The following GLDN variants were observed in gnomAD, a reference collection of about 807,000 sequenced individuals.
GLDN encodes the protein collomin.
In GLDN, 47 loss-of-function variants were observed where a neutral mutation model predicts 56.5. That is an observed-to-expected ratio of 0.83 (90% confidence interval 0.66 to 1.06). GLDN has a LOEUF of 1.06. GLDN is among the 50% of genes least tolerant of loss of function. The probability of loss-of-function intolerance (pLI) is 0.00; values close to 1 mark genes in which losing one functional copy is unlikely to be tolerated. For missense variants in GLDN, 782 were observed against 714.3 expected (o/e 1.09, Z -1.08); for synonymous variants, 332 against 278.8 (o/e 1.19, Z -1.90).
chr15:51,411,576 T>C (rs1041490171), downstream of GLDN, among the ~76,000 whole-genome samples: 30 of 152,254 alleles, frequency 2.0e-4, no homozygotes, highest in Admixed American at 2.0e-3. Context: ...ACGGTCACTG[T>C]TGGAACTACT....
intron 2 of GLDN, among the ~76,000 whole-genome samples, chr15:51,382,434 T>C (rs1485196133): frequency 6.6e-6 from 1 of 152,096 alleles, no homozygotes; most frequent in African/African-American, 2.4e-5. Context: ...CTTAGATTTA[T>C]GGAAAGACCT....
At chr15:51,353,714 T>TAA (rs1555401993) in intron 1 of GLDN, among the ~76,000 whole-genome samples, 23 of 72,126 alleles carry the variant, frequency 3.2e-4, no homozygotes, top group South Asian at 6.1e-4. Flanking sequence ...CGGATTTGAT[T>TAA]AAAAAAAAAA....
rs1309393199 is a variant in GLDN, at chr15:51,394,945, G to A, written c.652G>A (p.Asp218Asn). Residue 218 changes from aspartate to asparagine, a missense_variant, in exon 5 of 10, where the codon GAC (aspartate) becomes AAC (asparagine). Asp to Asn is a conservative substitution (Grantham distance 23, BLOSUM62 1). Coordinates refer to ENST00000335449, the MANE Select transcript of GLDN (RefSeq NM_181789.4). ...GPPGQKGEKGDKGDVSNDVLL... is the reference protein window; with the variant it reads ...GPPGQKGEKGNKGDVSNDVLL... ...ACCAGGGCAGAAGGGAGAAAAGGGT[G>A]ACAAAGGAGATGTGTCCAACGACGT... 1 of 1,610,456 alleles carries A rather than the reference G, an allele frequency of 6.2e-7. No homozygotes were observed. Among genetic ancestry groups the A allele is most frequent in the Admixed American group, 1.7e-5 (1 of 59,376 alleles).
chr15:51,355,616 T>C (rs1027147483), intron 1 of GLDN, among the ~76,000 whole-genome samples: 7 of 150,288 alleles, frequency 4.7e-5, no homozygotes, highest in Non-Finnish European at 8.9e-5. Context: ...CTCCGCCTCC[T>C]GGGTTCAAGC....
In GLDN at chr15:51,404,717, A is replaced by T. The variant is rs1340069788; in HGVS notation, c.1619A>T (p.Tyr540Phe). 1 of 1,608,064 alleles carries T rather than the reference A, an allele frequency of 6.2e-7. No homozygotes were observed. The highest frequency in any genetic ancestry group is 1.1e-5 in the South Asian group (1 of 90,828). ...YSWEDGHLML[Y>F]PVQFLSTTLN... Reference sequence around the variant, plus strand: ...TGGGAAGATGGCCATTTAATGCTTTATCCTGTGCAGTTTTTGTCAACTACC... The same window carrying T: ...TGGGAAGATGGCCATTTAATGCTTTTTCCTGTGCAGTTTTTGTCAACTACC... Residue 540 changes from tyrosine (Y) to phenylalanine (F), a missense_variant, in exon 10 of 10, where the codon TAT becomes TTT. Coordinates refer to ENST00000335449, the MANE Select transcript of GLDN (RefSeq NM_181789.4).
intron 4 of GLDN, chr15:51,384,751 C>T (rs2037851300): frequency 6.6e-6 from 1 of 152,320 alleles, no homozygotes; most frequent in Non-Finnish European, 1.5e-5. Flanking sequence ...GAAGGCCTGG[C>T]TCTCAGCCAC....
intron 1 of GLDN, among the ~76,000 whole-genome samples, chr15:51,348,666 T>G (rs2037022428): frequency 1.3e-5 from 2 of 151,620 alleles, no homozygotes. Flanking sequence ...ACAAAATCTG[T>G]TTTTTTTAAT....
chr15:51,372,772 A>G (rs561766160), intron 1 of GLDN, among the ~76,000 whole-genome samples: 82 of 152,290 alleles, frequency 5.4e-4, no homozygotes, highest in Admixed American at 1.1e-3. Context: ...ACCGGGCACT[A>G]TTCTAGACAC....
In GLDN at chr15:51,341,735, T is replaced by C; in HGVS notation, c.51T>C (p.Arg17=). Residue 17 remains arginine, a synonymous_variant, in exon 1 of 10, where the codon CGT becomes CGC. Coordinates refer to ENST00000335449, the MANE Select transcript of GLDN (RefSeq NM_181789.4). ...GTGGGGACGCGGGTTGGGGCCTGCG[T>C]GGCGCCCTGGCGGCCGTGGCGCTGC... ...GGRGDAGWGL[R]GALAAVALLS... The C allele has an allele frequency of 6.9e-7, 1 of 1,458,524 alleles. No homozygotes were observed. Among genetic ancestry groups the C allele is most frequent in the Non-Finnish European group, 8.9e-7 (1 of 1,117,894 alleles). The allele number at this position is 1,458,524 out of a possible 1,614,324, so 90.3% of individuals were successfully genotyped here.
intron 4 of GLDN, among the ~76,000 whole-genome samples, chr15:51,385,929 G>A (rs1172771500): frequency 6.6e-6 from 1 of 152,182 alleles, no homozygotes; most frequent in Non-Finnish European, 1.5e-5. Context: ...AGAAAAACGG[G>A]GAGGATGTGA....
At chr15:51,371,089 C>G (rs557805723) in intron 1 of GLDN, among the ~76,000 whole-genome samples, 2 of 152,234 alleles carry the variant, frequency 1.3e-5, no homozygotes, top group African/African-American at 2.4e-5. Flanking sequence ...GTTTCATGAA[C>G]CTCCCAGCTT....
In GLDN at chr15:51,381,330, C is replaced by T. The variant is rs369944875; in HGVS notation, c.416-2106C>T. ...CCAGTCTCTATATCCGAATTTGGCTCCCTCTGTCGTCGCGAACGATGATTA... is the reference window on the plus strand; with the variant it reads ...CCAGTCTCTATATCCGAATTTGGCTTCCTCTGTCGTCGCGAACGATGATTA... On this transcript the variant is annotated intron_variant, in intron 2 of 9. Transcript: ENST00000335449. Among the ~76,000 whole-genome samples the T allele has an allele frequency of 1.7e-4, 26 of 152,214 alleles. No individual in the cohort carries two copies. The South Asian group carries it at 4.8e-3, about 28-fold the overall frequency.
intron 1 of GLDN, chr15:51,360,263 G>A (rs942409978): frequency 1.4e-4 from 21 of 152,242 alleles, no homozygotes; most frequent in African/African-American, 4.1e-4. Context: ...TTCAAACTTC[G>A]GTGGTTCTGA....
chr15:51,382,317 C>A (rs1341371568), intron 2 of GLDN, among the ~76,000 whole-genome samples: 1 of 152,068 alleles, frequency 6.6e-6, no homozygotes, highest in Admixed American at 6.5e-5. Flanking sequence ...GTCCATCTTT[C>A]CCACGTAGAC....
At position 51,347,741 on chromosome 15, in the gene GLDN, G is replaced by A. The variant is rs1220212756; in HGVS notation, c.363+5694G>A. Among the ~76,000 whole-genome samples, 3 of 152,282 alleles carry A rather than the reference G, an allele frequency of 2.0e-5. No homozygotes were observed. In the East Asian group the frequency reaches 5.8e-4, roughly 29 times the overall value. ...ATTTTATCACCTATGAATGACATAT[G>A]TACATATTCATTGCAGAATATTTGT... On this transcript the variant is annotated intron_variant, in intron 1 of 9. Transcript: ENST00000335449.
chr15:51,398,326 A>T (rs555536485), intron 6 of GLDN, among the ~76,000 whole-genome samples: 1 of 152,242 alleles, frequency 6.6e-6, no homozygotes, highest in South Asian at 2.1e-4. Flanking sequence ...TCTTTAGCCA[A>T]TTTGTGGCAC....
At chr15:51,374,069 A>C (rs946376360) in intron 1 of GLDN, among the ~76,000 whole-genome samples, 1 of 152,246 alleles carries the variant, frequency 6.6e-6, no homozygotes, top group Non-Finnish European at 1.5e-5. Context: ...TCTTGAGTAA[A>C]GATTAACATA....
At chr15:51,376,312 T>C (rs1331823744) in intron 1 of GLDN, among the ~76,000 whole-genome samples, 1 of 152,184 alleles carries the variant, frequency 6.6e-6, no homozygotes, top group Non-Finnish European at 1.5e-5. Context: ...CAGTGGTAAA[T>C]ATTTGTGTAT....
At chr15:51,353,954 T>C (rs951646095) in intron 1 of GLDN, among the ~76,000 whole-genome samples, 1 of 152,232 alleles carries the variant, frequency 6.6e-6, no homozygotes, top group Non-Finnish European at 1.5e-5. Context: ...AGGGAGCATT[T>C]TGCAGCCCAT....
Sources: allele counts gnomAD v4.1 joint callset (sites outside exome capture counted in the v4.1 genomes callset), GRCh38; gene constraint gnomAD v4.1.1; transcripts MANE v1.5; gene names NCBI Gene and HGNC (gene_info 2026-07-23, HGNC 2026-07-21).